Variants in CNTN4 observed in about 807,000 individuals in gnomAD.
CNTN4 encodes contactin-4.
CNTN4 carries 77 observed loss-of-function variants against 122.5 expected under a neutral mutation model. The ratio of observed to expected loss-of-function variants is 0.63; its 90% CI spans 0.52 to 0.76. CNTN4 has a LOEUF of 0.76. CNTN4 is among the 30% of genes least tolerant of loss of function. CNTN4 has a pLI of 0.00. For synonymous variants in CNTN4, 512 were observed against 447.0 expected (o/e 1.15, Z -1.83); for missense variants, 1,256 against 1,259.1 (o/e 1.00, Z 0.04).
In CNTN4 at chr3:2,927,277, C is replaced by G. The variant is rs60145662; in HGVS notation, c.1358+1498C>G. On this transcript the variant is annotated intron_variant, in intron 13 of 24. Transcript: ENST00000418658. The stretch of plus-strand genomic sequence containing the variant: ...AGTTCTGGCTTATAACAACAAAAGG[C>G]AATTTCTCTTTTGCACCTAGTGTAC... The G allele has an allele frequency of 5.7e-3, 2,614 of 455,110 alleles. 56 individuals are homozygous for G. The highest frequency in any genetic ancestry group is 0.047 in the African/African-American group (2,368 of 50,134). 28.2% of individuals were successfully genotyped at this position (455,110 alleles called of 1,614,324 possible).
At chr3:3,003,154 A>G (rs1696217619) in intron 14 of CNTN4, among the ~76,000 whole-genome samples, 1 of 152,210 alleles carries the variant, frequency 6.6e-6, no homozygotes, top group Non-Finnish European at 1.5e-5. Flanking sequence ...TTTGAACAGC[A>G]TATTGATTCC....
chr3:2,389,087 G>T (rs1309354811), intron 3 of CNTN4, among the ~76,000 whole-genome samples: 1 of 151,974 alleles, frequency 6.6e-6, no homozygotes, highest in Admixed American at 6.6e-5. Context: ...CTTGAACCTG[G>T]GAGGGGGAGG....
chr3:2,954,118 T>G (rs1559713609), intron 13 of CNTN4, among the ~76,000 whole-genome samples: 1 of 152,206 alleles, frequency 6.6e-6, no homozygotes, highest in Admixed American at 6.5e-5. Flanking sequence ...ACAAGATAAT[T>G]GCAGCTTTGT....
intron 4 of CNTN4, among the ~76,000 whole-genome samples, chr3:2,622,423 T>C (rs2082025005): frequency 6.6e-6 from 1 of 152,086 alleles, no homozygotes; most frequent in Admixed American, 6.6e-5. Context: ...CCCCAAGCAG[T>C]TGGGATTACA....
At chr3:2,476,128 A>AG (rs1046527857) in intron 3 of CNTN4, among the ~76,000 whole-genome samples, 41 of 152,316 alleles carry the variant, frequency 2.7e-4, no homozygotes, top group African/African-American at 9.4e-4. Flanking sequence ...GGACTCCTTT[A>AG]GGGTGGGACT....
At chr3:2,755,613 T>C (rs1297099404) in intron 6 of CNTN4, among the ~76,000 whole-genome samples, 2 of 152,204 alleles carry the variant, frequency 1.3e-5, no homozygotes, top group Admixed American at 1.3e-4. Flanking sequence ...AAAGTACAGA[T>C]GCTAGTTAAT....
intron 3 of CNTN4, among the ~76,000 whole-genome samples, chr3:2,562,908 T>C (rs1400951625): frequency 6.6e-6 from 1 of 151,868 alleles, no homozygotes; most frequent in African/African-American, 2.4e-5. Context: ...ATTTTTTTTT[T>C]GTAGAGATGG....
intron 3 of CNTN4, among the ~76,000 whole-genome samples, chr3:2,444,555 C>A (rs2048552583): frequency 6.6e-6 from 1 of 152,102 alleles, no homozygotes; most frequent in Admixed American, 6.6e-5. Context: ...AGTGTAGAGG[C>A]TGACAGGGAT....
At chr3:2,504,662 G>A (rs1318531455) in intron 3 of CNTN4, among the ~76,000 whole-genome samples, 1 of 152,102 alleles carries the variant, frequency 6.6e-6, no homozygotes, top group Middle Eastern at 3.2e-3. Context: ...TTATTGACAA[G>A]TTACAAAAGT....
chr3:2,234,974 A>AT (rs936489381), intron 2 of CNTN4, among the ~76,000 whole-genome samples: 6 of 151,972 alleles, frequency 3.9e-5, no homozygotes, highest in Admixed American at 6.6e-5. Flanking sequence ...CCCTGAGTTT[A>AT]TTTTTTTGGG....
chr3:2,714,959 CT>C (rs1309882801), intron 4 of CNTN4, among the ~76,000 whole-genome samples: 2 of 152,214 alleles, frequency 1.3e-5, no homozygotes, highest in Non-Finnish European at 2.9e-5. Flanking sequence ...GCTGTACTAT[CT>C]TGCTTTATCT....
intron 3 of CNTN4, among the ~76,000 whole-genome samples, chr3:2,528,379 C>T (rs1006108676): frequency 6.6e-6 from 1 of 152,062 alleles, no homozygotes; most frequent in African/African-American, 2.4e-5. Flanking sequence ...CCATGTTATG[C>T]TACACTGATG....
intron 3 of CNTN4, among the ~76,000 whole-genome samples, chr3:2,411,203 A>G (rs1276452097): frequency 6.6e-6 from 1 of 152,172 alleles, no homozygotes; most frequent in African/African-American, 2.4e-5. Context: ...GCACATCAGG[A>G]TAAATAGCTA....
At chr3:2,592,485 AT>A (rs1185949346) in intron 4 of CNTN4, among the ~76,000 whole-genome samples, 1 of 152,142 alleles carries the variant, frequency 6.6e-6, no homozygotes, top group African/African-American at 2.4e-5. Flanking sequence ...CGGGTAAGAG[AT>A]GATTGAATCA....
At chr3:2,158,970 A>T (rs928323639) in intron 2 of CNTN4, among the ~76,000 whole-genome samples, 1 of 152,166 alleles carries the variant, frequency 6.6e-6, no homozygotes, top group Non-Finnish European at 1.5e-5. Flanking sequence ...TGTGAGCCAG[A>T]TTTGACTCAC....
chr3:2,563,583 T>C (rs971283035), intron 3 of CNTN4, among the ~76,000 whole-genome samples: 1 of 152,178 alleles, frequency 6.6e-6, no homozygotes, highest in African/African-American at 2.4e-5. Context: ...GCTGATTTAC[T>C]ACATTGTACT....
intron 2 of CNTN4, among the ~76,000 whole-genome samples, chr3:2,301,241 G>A (rs1000075810): frequency 6.6e-6 from 1 of 152,280 alleles, no homozygotes. Context: ...TTACTTCTGT[G>A]ATGGGGAGGA....
intron 3 of CNTN4, among the ~76,000 whole-genome samples, chr3:2,352,243 G>C (rs954548716): frequency 6.6e-6 from 1 of 152,154 alleles, no homozygotes; most frequent in Admixed American, 6.5e-5. Flanking sequence ...TGTGCTAGCA[G>C]CCCTCGCTCA....
chr3:2,484,067 G>C (rs1206562222), intron 3 of CNTN4, among the ~76,000 whole-genome samples: 2 of 151,998 alleles, frequency 1.3e-5, no homozygotes, highest in Admixed American at 1.3e-4. Context: ...CCTGATAAAG[G>C]ACTGTTAGCA....
Sources: gnomAD v4.1 joint callset for allele counts (sites outside exome capture counted in the v4.1 genomes callset) on GRCh38, gnomAD v4.1.1 for gene constraint, MANE v1.5 for transcripts, NCBI Gene and HGNC (gene_info 2026-07-23, HGNC 2026-07-21) for gene names.